Variants in EPN2 observed in about 807,000 individuals in gnomAD.
The protein encoded by EPN2 is epsin-2.
A neutral mutation model predicts 61.7 loss-of-function variants in EPN2; 34 were observed. That is an observed-to-expected ratio of 0.55 (90% CI 0.42 to 0.73). The LOEUF is 0.73. Among genes scored for constraint, EPN2 ranks in the 30% least tolerant of loss-of-function variants. The pLI is 0.00. For missense variants in EPN2, 714 were observed against 839.2 expected (o/e 0.85, Z 1.84); for synonymous variants, 349 against 353.6 (o/e 0.99, Z 0.15).
chr17:19,250,918 C>T (rs1424135718), intron 1 of EPN2, among the ~76,000 whole-genome samples: 5 of 151,842 alleles, frequency 3.3e-5, no homozygotes, highest in Admixed American at 2.0e-4. Context: ...CACACACTGT[C>T]CCTCCTCCTC....
chr17:19,332,231 G>A (rs1431794733), intron 10 of EPN2, among the ~76,000 whole-genome samples, 163 bp downstream of exon 10: 1 of 152,092 alleles, frequency 6.6e-6, no homozygotes, highest in Non-Finnish European at 1.5e-5. Flanking sequence ...ATGGGGTGGG[G>A]TGTGGAAGCC....
chr17:19,310,352 C>T (rs1054340785), intron 5 of EPN2, among the ~76,000 whole-genome samples: 5 of 152,150 alleles, frequency 3.3e-5, no homozygotes, highest in East Asian at 1.9e-4. Flanking sequence ...GCAGGGTGGG[C>T]GCAGGGATGC....
intron 4 of EPN2, among the ~76,000 whole-genome samples, chr17:19,305,263 A>G (rs1382907089): frequency 2.0e-5 from 3 of 151,958 alleles, no homozygotes; most frequent in Non-Finnish European, 4.4e-5. Context: ...CTGGGACTAC[A>G]GGCACGTGCC....
At position 19,237,993 on chromosome 17, in the gene EPN2, G is replaced by A. The variant is rs192329093; in HGVS notation, c.-294+462G>A. 4.0e-3 allele frequency among the ~76,000 whole-genome samples: 606 copies of A among 152,306 alleles called. 6 individuals are homozygous for A. The highest frequency in any genetic ancestry group is 6.8e-3 in the Non-Finnish European group (463 of 68,020). On this transcript the variant is annotated intron_variant, in intron 1 of 10. Coordinates refer to ENST00000314728, the MANE Select transcript of EPN2 (RefSeq NM_014964.5). Reference sequence around the variant, plus strand: ...TCCCGCCAGCCCCCGTGCAGAGCCCGGTCCGGGCGCCCTCCGGGAATCGGG... The same window carrying A: ...TCCCGCCAGCCCCCGTGCAGAGCCCAGTCCGGGCGCCCTCCGGGAATCGGG...
chr17:19,248,269 A>G (rs1315708391), intron 1 of EPN2: 1 of 152,238 alleles, frequency 6.6e-6, no homozygotes, highest in Non-Finnish European at 1.5e-5. Flanking sequence ...TACCTTGGTA[A>G]ATAAAGAAGG....
chr17:19,303,057 G>A (rs1905613010), intron 4 of EPN2, among the ~76,000 whole-genome samples: 2 of 152,248 alleles, frequency 1.3e-5, no homozygotes, highest in African/African-American at 4.8e-5. Context: ...TTTCCTGGGT[G>A]GAAGCACAAG....
At position 19,264,000 on chromosome 17, in the gene EPN2, A is replaced by G. The variant is rs117855337; in HGVS notation, c.-293-17955A>G. On this transcript the variant is annotated intron_variant, in intron 1 of 10. Coordinates refer to ENST00000314728, the MANE Select transcript of EPN2 (RefSeq NM_014964.5). ...CCTTGGCCTCTCGGCACAAGTTTCT[A>G]AAGTAGAGCGATTTCTGAGTTTAGG... is the stretch of plus-strand genomic sequence containing the variant. Among the ~76,000 whole-genome samples the G allele has an allele frequency of 5.1e-3, 783 of 152,266 alleles. 19 individuals carry two copies. The highest frequency in any genetic ancestry group is 0.039 in the Admixed American group (598 of 15,292).
chr17:19,306,897 G>A (rs975775332), intron 4 of EPN2, among the ~76,000 whole-genome samples: 1 of 152,212 alleles, frequency 6.6e-6, no homozygotes, highest in African/African-American at 2.4e-5. Flanking sequence ...CAAGGGTTTT[G>A]TGAACCAAGC....
At chr17:19,310,571 C>CTTTTTTTTTTTTTTTTTT (rs71155391) in intron 5 of EPN2, among the ~76,000 whole-genome samples, 4 of 80,910 alleles carry the variant, frequency 4.9e-5, no homozygotes, top group African/African-American at 2.0e-4. Context: ...CTCCTTCTTT[C>CTTTTTTTTTTTTTTTTTT]TTTTTTTTTT....
At position 19,283,192 on chromosome 17, in the gene EPN2, C is replaced by T. The variant is rs1176868389; in HGVS notation, c.73C>T (p.Arg25Trp). Residue 25 changes from arginine to tryptophan, a missense_variant, in exon 3 of 11, where the codon CGG (arginine) becomes TGG (tryptophan). Coordinates refer to ENST00000314728, the MANE Select transcript of EPN2 (RefSeq NM_014964.5). This position sits in a 1 kb window ranked among gnomAD's most constrained non-coding sequence, Gnocchi z 7.0. ...TTACTCAGAGGCAGAAATCAAAGTC[C>T]GGGAAGCCACCTCCAATGACCCGTG... ...NNYSEAEIKV[R>W]EATSNDPWGP... 2 of 1,614,140 alleles carry T rather than the reference C, an allele frequency of 1.2e-6. No homozygotes were observed. Among genetic ancestry groups the T allele is most frequent in the South Asian group, 1.1e-5 (1 of 91,082 alleles).
chr17:19,278,553 T>C (rs1343763484), intron 1 of EPN2, among the ~76,000 whole-genome samples: 2 of 152,170 alleles, frequency 1.3e-5, no homozygotes, highest in African/African-American at 4.8e-5. Context: ...CAATTACCTC[T>C]CCCGGGTCCC....
chr17:19,266,860 A>ACT (rs1040025466), intron 1 of EPN2, among the ~76,000 whole-genome samples: 14 of 150,988 alleles, frequency 9.3e-5, no homozygotes, highest in Non-Finnish European at 1.8e-4. Flanking sequence ...GTAATAGAAT[A>ACT]CTGGTACATA....
chr17:19,249,560 CAGAG>C (rs1457242704), intron 1 of EPN2: 4 of 152,268 alleles, frequency 2.6e-5, no homozygotes, highest in African/African-American at 9.6e-5. Flanking sequence ...GGGTGAATGT[CAGAG>C]AGCTGCTGTG....
chr17:19,309,280 G>A (rs1335042453), intron 4 of EPN2, among the ~76,000 whole-genome samples: 2 of 151,884 alleles, frequency 1.3e-5, no homozygotes, highest in Non-Finnish European at 1.5e-5. Context: ...ATAGGCACAC[G>A]CCACCATGCC....
Position 19,285,782 on chromosome 17 carries a change from C to T in EPN2, c.758C>T (p.Ala253Val). ...WSQPCLTCDR[A>V]ARATSPRVSS... ...CAGCCCTGCCTCACTTGTGACCGCGCAGCCCGAGGTGGGACGGCGGTTTGC... is the reference window on the plus strand; with the variant it reads ...CAGCCCTGCCTCACTTGTGACCGCGTAGCCCGAGGTGGGACGGCGGTTTGC... The change falls in exon 4 of 11, where the codon GCA (alanine) becomes GTA (valine). Residue 253 changes from alanine (A) to valine (V), a missense_variant. Coordinates refer to ENST00000314728, the MANE Select transcript of EPN2 (RefSeq NM_014964.5). The surrounding 1 kb of genome is among the most constrained non-coding windows in gnomAD (Gnocchi z 4.5). 1 of 1,597,216 alleles carries T rather than the reference C, an allele frequency of 6.3e-7. No individual in the cohort carries two copies. Among genetic ancestry groups the T allele is most frequent in the Non-Finnish European group, 8.5e-7 (1 of 1,171,600 alleles).
chr17:19,275,149 G>A (rs960960140), intron 1 of EPN2, among the ~76,000 whole-genome samples: 3 of 152,048 alleles, frequency 2.0e-5, no homozygotes, highest in African/African-American at 7.2e-5. Flanking sequence ...TTGGGTTGTG[G>A]GTCAACTGTG....
intron 1 of EPN2, among the ~76,000 whole-genome samples, chr17:19,268,896 GT>G (rs2045227373): frequency 6.6e-6 from 1 of 152,174 alleles, no homozygotes; most frequent in South Asian, 2.1e-4. Flanking sequence ...ATACTGTTCA[GT>G]TTTACTAGTG....
rs2152242987 is a variant in EPN2 at position 19,335,463 on chromosome 17, C to CTT, written c.*1211_*1212dup. ...TGGAAATCTGAAATGGAAGAAACAT[C>CTT]TTTAACCTTGTGTGTCTGTGATCTC... On this transcript the variant is annotated 3_prime_UTR_variant, in exon 11 of 11. Coordinates refer to ENST00000314728, the MANE Select transcript of EPN2 (RefSeq NM_014964.5). 6.5e-7 allele frequency: 1 copy of CTT among 1,549,886 alleles called. No individual in the cohort carries two copies. The highest frequency in any genetic ancestry group is 2.0e-5 in the Admixed American group (1 of 50,960).
chr17:19,321,267 G>A (rs1215605482), intron 7 of EPN2, among the ~76,000 whole-genome samples: 2 of 152,150 alleles, frequency 1.3e-5, no homozygotes, highest in Admixed American at 1.3e-4. Flanking sequence ...GACCCCCTTT[G>A]CTGTGTTGTT....
Sources: allele counts gnomAD v4.1 joint callset (sites outside exome capture counted in the v4.1 genomes callset), GRCh38; gene constraint gnomAD v4.1.1; non-coding constraint Gnocchi (gnomAD v3.1); transcripts MANE v1.5; gene names NCBI Gene and HGNC (gene_info 2026-07-23, HGNC 2026-07-21).